The following SMAD3 variants were observed in gnomAD, a reference collection of about 807,000 sequenced individuals.
The protein encoded by SMAD3 is SMAD family member 3.
A neutral mutation model predicts 51.8 loss-of-function variants in SMAD3; 12 were observed. The observed-to-expected ratio is 0.23, with a 90% CI of 0.15 to 0.38. SMAD3 has a LOEUF of 0.38. Ranked by LOEUF, SMAD3 falls within the 10% of genes least tolerant of loss-of-function variation. The pLI, the probability that SMAD3 is intolerant of heterozygous loss-of-function variation, is 1.00. For missense variants in SMAD3, 294 were observed against 565.6 expected (o/e 0.52, Z 4.87); for synonymous variants, 238 against 227.7 (o/e 1.05, Z -0.41).
intron 1 of SMAD3, among the ~76,000 whole-genome samples, chr15:67,150,122 ATTG>A (rs916375874): frequency 5.1e-4 from 78 of 152,234 alleles, no homozygotes; most frequent in African/African-American, 1.8e-3. Context: ...TTTGCTAGGA[ATTG>A]TTGTAAAATC....
chr15:67,127,296 G>C (rs1961413104), intron 1 of SMAD3, among the ~76,000 whole-genome samples: 1 of 152,204 alleles, frequency 6.6e-6, no homozygotes, highest in Non-Finnish European at 1.5e-5. Context: ...TTTCTGCAGT[G>C]CCTCCCCCTG....
chr15:67,148,908 G>A (rs1962050515), intron 1 of SMAD3, among the ~76,000 whole-genome samples: 1 of 152,210 alleles, frequency 6.6e-6, no homozygotes, highest in Non-Finnish European at 1.5e-5. Context: ...TGCAGGCAAA[G>A]TTAAGCTAGG....
At chr15:67,154,344 A>G (rs1962226101) in intron 1 of SMAD3, among the ~76,000 whole-genome samples, 1 of 152,222 alleles carries the variant, frequency 6.6e-6, no homozygotes. Flanking sequence ...GAAATGTTTT[A>G]GTGACTGGTA....
intron 1 of SMAD3, among the ~76,000 whole-genome samples, chr15:67,088,599 C>T (rs1422403717): frequency 6.6e-6 from 1 of 152,192 alleles, no homozygotes; most frequent in Non-Finnish European, 1.5e-5. Context: ...TTTCAGAATG[C>T]TCCCGAGTGG....
chr15:67,065,880 T>A lies in SMAD3; in HGVS notation c.-275T>A, dbSNP rs1414871718. The A allele has an allele frequency of 4.6e-6, 1 of 215,896 alleles. No individual in the cohort carries two copies. The allele number at this position is 215,896 out of a possible 1,614,324, so 13.4% of individuals were successfully genotyped here. A position where few individuals can be genotyped will look rare whatever the true frequency, so the allele number is the denominator to read the frequency against. ...TCGCGGCCGCCGCCTCCGCCCCGCG[T>A]TCGGGGCCTTCCCGACCCTGCACTG... On this transcript the variant is annotated 5_prime_UTR_variant, in exon 1 of 9. Coordinates refer to ENST00000327367, the MANE Select transcript of SMAD3 (RefSeq NM_005902.4).
At chr15:67,141,022 A>G (rs1961805237) in intron 1 of SMAD3, among the ~76,000 whole-genome samples, 2 of 152,202 alleles carry the variant, frequency 1.3e-5, no homozygotes, top group South Asian at 4.1e-4. Flanking sequence ...AAAAATTTTA[A>G]AAACGCTCTG....
intron 1 of SMAD3, among the ~76,000 whole-genome samples, chr15:67,072,043 A>G (rs1960066044): frequency 6.6e-6 from 1 of 152,230 alleles, no homozygotes; most frequent in East Asian, 1.9e-4. Context: ...AAATATGAAT[A>G]CAGTCGCATT....
chr15:67,116,567 C>T (rs1161302333), intron 1 of SMAD3, among the ~76,000 whole-genome samples: 3 of 152,140 alleles, frequency 2.0e-5, no homozygotes, highest in African/African-American at 7.2e-5. Flanking sequence ...AGGGGAGCAG[C>T]TGTGATTATT....
chr15:67,191,379 G>A lies in SMAD3; in HGVS notation c.*843G>A, dbSNP rs55970514. On this transcript the variant is annotated 3_prime_UTR_variant, in exon 9 of 9. Coordinates refer to ENST00000327367, the MANE Select transcript of SMAD3 (RefSeq NM_005902.4). ...ATGAAGCAGGAGGCCCTTGTCGTGG[G>A]ATGGCATTTGGTCTCAGGCAGCACC... 0.017 allele frequency: 3,862 copies of A among 233,434 alleles called. 51 individuals carry two copies. The highest frequency in any genetic ancestry group is 0.025 in the Non-Finnish European group (2,991 of 118,070). 14.5% of individuals were successfully genotyped at this position (233,434 alleles called of 1,614,324 possible).
intron 6 of SMAD3, among the ~76,000 whole-genome samples, chr15:67,182,758 C>G (rs1278878846): frequency 1.3e-5 from 2 of 151,756 alleles, no homozygotes; most frequent in Non-Finnish European, 2.9e-5. Flanking sequence ...CCACCACTAC[C>G]AGACCTGTTG....
intron 1 of SMAD3, among the ~76,000 whole-genome samples, chr15:67,116,379 G>A (rs1428116347): frequency 6.6e-6 from 1 of 152,228 alleles, no homozygotes; most frequent in Non-Finnish European, 1.5e-5. Flanking sequence ...TTCAAGGCTT[G>A]TAGAAATCTT....
In SMAD3 at chr15:67,108,235, C is replaced by T. The variant is rs539260734; in HGVS notation, c.206+41875C>T. On this transcript the variant is annotated intron_variant, in intron 1 of 8. Coordinates refer to ENST00000327367, the MANE Select transcript of SMAD3 (RefSeq NM_005902.4). Reference sequence around the variant, plus strand: ...TATTGCTGTAAATGGGCAGGGATTACGCATTTGTGGAGTGACTGATTTCAA... The same window carrying T: ...TATTGCTGTAAATGGGCAGGGATTATGCATTTGTGGAGTGACTGATTTCAA... Among the ~76,000 whole-genome samples, 37 of 152,180 alleles carry T rather than the reference C, an allele frequency of 2.4e-4. 1 individual carries two copies. The highest frequency in any genetic ancestry group is 2.0e-3 in the Admixed American group (31 of 15,280).
At chr15:67,117,263 C>T (rs1356792421) in intron 1 of SMAD3, among the ~76,000 whole-genome samples, 1 of 152,174 alleles carries the variant, frequency 6.6e-6, no homozygotes, top group East Asian at 1.9e-4. Flanking sequence ...GACCTCAAAT[C>T]CAGGCATTTT....
rs1291288543 is a variant in SMAD3 at position 67,166,786 on chromosome 15, A to AC, written c.545dup (p.Gly183TrpfsTer5). ...CTTCCTTCTGATTCCCAGAGACCCCACCCCCTGGCTACCTGAGTGAAGATG... is the reference window on the plus strand; with the variant it reads ...CTTCCTTCTGATTCCCAGAGACCCCACCCCCCTGGCTACCTGAGTGAAGATG... On this transcript the variant is annotated frameshift_variant, in exon 4 of 9. Transcript: ENST00000327367. LOFTEE classifies it high-confidence loss of function. The AC allele has an allele frequency of 6.3e-7, 1 of 1,591,384 alleles. No individual in the cohort carries two copies. Among genetic ancestry groups the AC allele is most frequent in the Non-Finnish European group, 8.6e-7 (1 of 1,168,328 alleles).
chr15:67,085,981 T>A (rs1960384487), intron 1 of SMAD3, among the ~76,000 whole-genome samples: 1 of 151,738 alleles, frequency 6.6e-6, no homozygotes, highest in Non-Finnish European at 1.5e-5. Context: ...TGCCCTGAGG[T>A]TTGGAGTTCC....
chr15:67,135,023 G>A (rs1961623009), intron 1 of SMAD3, among the ~76,000 whole-genome samples: 1 of 152,198 alleles, frequency 6.6e-6, no homozygotes, highest in Non-Finnish European at 1.5e-5. Context: ...TCCTGTGCTG[G>A]GAGAGTGGAA....
chr15:67,138,340 C>CT (rs1242207633), intron 1 of SMAD3: 1 of 490,972 alleles, frequency 2.0e-6, no homozygotes, highest in South Asian at 2.4e-5. Context: ...CTCCCCTCCC[C>CT]TGAACCCCCC....
intron 5 of SMAD3, among the ~76,000 whole-genome samples, chr15:67,180,698 G>A (rs1963027902): frequency 6.6e-6 from 1 of 151,946 alleles, no homozygotes; most frequent in African/African-American, 2.4e-5. Flanking sequence ...CCACAGGCTG[G>A]GAGTTTTTGC....
chr15:67,183,018 TATATATATATA>T (rs1248228073), intron 6 of SMAD3, among the ~76,000 whole-genome samples: 18 of 76,658 alleles, frequency 2.3e-4, no homozygotes, highest in African/African-American at 9.8e-4. Flanking sequence ...TATATATATA[TATATATATATA>T]TATTTTTTTT....
Sources: allele counts gnomAD v4.1 joint callset (sites outside exome capture counted in the v4.1 genomes callset), GRCh38; gene constraint gnomAD v4.1.1; transcripts MANE v1.5; gene names NCBI Gene and HGNC (gene_info 2026-07-23, HGNC 2026-07-21).